Variants in ASAP2 observed in about 807,000 individuals in gnomAD.
ASAP2 encodes the protein ArfGAP with SH3 domain, ankyrin repeat and PH domain 2, also known as arf-GAP with SH3 domain, ANK repeat and PH domain-containing protein 2.
ASAP2 carries 45 observed loss-of-function variants against 131.4 expected under a neutral mutation model. That is an observed-to-expected ratio of 0.34 (90% confidence interval 0.27 to 0.44). ASAP2 has a LOEUF of 0.44. ASAP2 is among the 20% of genes least tolerant of loss of function. The pLI, the probability that ASAP2 is intolerant of heterozygous loss-of-function variation, is 1.00. For synonymous variants in ASAP2, 510 were observed against 503.0 expected, an observed-to-expected ratio of 1.01 and a Z score of -0.19; for missense variants, 1,011 against 1,297.0, an observed-to-expected ratio of 0.78 and a Z score of 3.39.
intron 27 of ASAP2, among the ~76,000 whole-genome samples, chr2:9,401,862 CAG>C (rs1558407958): frequency 2.6e-5 from 4 of 152,344 alleles, no homozygotes; most frequent in Admixed American, 1.3e-4. Context: ...CTTGGCCACT[CAG>C]GGGCTGGTGG....
intron 24 of ASAP2, among the ~76,000 whole-genome samples, chr2:9,397,810 G>C (rs1676287754): frequency 7.6e-6 from 1 of 131,340 alleles, no homozygotes; most frequent in South Asian, 2.4e-4. Flanking sequence ...CCAGGCTGGA[G>C]TGCAGTGGCT....
At chr2:9,374,992 C>T in intron 17 of ASAP2, 48 bp downstream of exon 17, 3 of 1,466,654 alleles carry the variant, frequency 2.0e-6, no homozygotes, top group Non-Finnish European at 2.7e-6. Flanking sequence ...AAAGGCCGGC[C>T]ACGGTGGCTC....
chr2:9,262,531 G>T (rs774013920), intron 1 of ASAP2, among the ~76,000 whole-genome samples: 1 of 152,186 alleles, frequency 6.6e-6, no homozygotes, highest in African/African-American at 2.4e-5. Flanking sequence ...GAGGTCACGC[G>T]GCTAGTAATT....
intron 7 of ASAP2, among the ~76,000 whole-genome samples, chr2:9,331,768 CA>C (rs1162279000): frequency 6.8e-6 from 1 of 147,560 alleles, no homozygotes; most frequent in Admixed American, 6.7e-5. Context: ...TTTTTTTTTT[CA>C]AAAAAAATAC....
At chr2:9,349,742 T>C (rs774363959) in intron 11 of ASAP2, among the ~76,000 whole-genome samples, 5 of 152,200 alleles carry the variant, frequency 3.3e-5, no homozygotes, top group Non-Finnish European at 7.3e-5. Context: ...TCCTTCACGC[T>C]GCAAGGATGG....
At chr2:9,396,997 G>A (rs879796875) in intron 24 of ASAP2, among the ~76,000 whole-genome samples, 7 of 152,116 alleles carry the variant, frequency 4.6e-5, no homozygotes, top group Non-Finnish European at 1.0e-4. Flanking sequence ...GCCAGACTCC[G>A]TCTCAAAAAA....
chr2:9,313,464 T>C (rs1669447101), intron 3 of ASAP2, among the ~76,000 whole-genome samples: 1 of 152,202 alleles, frequency 6.6e-6, no homozygotes, highest in Admixed American at 6.5e-5. Flanking sequence ...CCTAAGATTC[T>C]CTTTAGAAAT....
intron 22 of ASAP2, 92 bp downstream of exon 22, chr2:9,388,638 C>A: frequency 6.7e-7 from 1 of 1,496,986 alleles, no homozygotes; most frequent in Non-Finnish European, 8.9e-7. Context: ...AACTCAGTGA[C>A]CTTTGGGCTC....
In ASAP2 at chr2:9,250,327, G is replaced by C. The variant is rs1280989935; in HGVS notation, c.127-28990G>C. ...CCACAGACTTCCTGCCTAGGCACCA[G>C]GGAAAGAGGGGAAAGAACACGACAT... On this transcript the variant is annotated intron_variant, in intron 1 of 27. Transcript: ENST00000281419. 1.3e-5 allele frequency among the ~76,000 whole-genome samples: 2 copies of C among 152,166 alleles called. 1 individual carries two copies. The highest frequency in any genetic ancestry group is 3.9e-4 in the East Asian group (2 of 5,188).
chr2:9,333,428 A>G (rs1467658483), intron 7 of ASAP2, among the ~76,000 whole-genome samples: 1 of 152,230 alleles, frequency 6.6e-6, no homozygotes, highest in Non-Finnish European at 1.5e-5. Context: ...AAGTATAAGA[A>G]GGCCTCTTAT....
At chr2:9,338,693 C>T (rs1420813262) in intron 9 of ASAP2, among the ~76,000 whole-genome samples, 6 of 152,194 alleles carry the variant, frequency 3.9e-5, no homozygotes, top group Non-Finnish European at 8.8e-5. Flanking sequence ...CAAGATGGAT[C>T]AGGTTATCAT....
chr2:9,265,627 T>A lies in ASAP2; in HGVS notation c.127-13690T>A, dbSNP rs183549129. 6.0e-3 allele frequency among the ~76,000 whole-genome samples: 921 copies of A among 152,374 alleles called. 9 individuals carry two copies. The highest frequency in any genetic ancestry group is 0.021 in the African/African-American group (870 of 41,592). ...GACAACAATGATTATTTTCTTTCTG[T>A]ATCTTTATATACAGAGTTTTAAGTG... On this transcript the variant is annotated intron_variant, in intron 1 of 27. Transcript: ENST00000281419.
chr2:9,355,975 A>G, intron 12 of ASAP2, 72 bp from the exon 13 acceptor site: 2 of 1,552,134 alleles, frequency 1.3e-6, no homozygotes, highest in Non-Finnish European at 1.8e-6. Flanking sequence ...GGCTAATTAG[A>G]AACTATTTTC....
At chr2:9,271,039 TG>T (rs1666350298) in intron 1 of ASAP2, among the ~76,000 whole-genome samples, 1 of 151,340 alleles carries the variant, frequency 6.6e-6, no homozygotes, top group African/African-American at 2.4e-5. Context: ...GTGATCCACC[TG>T]CCTCGGCCTC....
chr2:9,313,617 A>G (rs1220747461), intron 3 of ASAP2, among the ~76,000 whole-genome samples: 2 of 152,192 alleles, frequency 1.3e-5, no homozygotes, highest in Admixed American at 1.3e-4. Flanking sequence ...TCTTTCTTGC[A>G]CGTGCCTTGT....
chr2:9,362,668 C>T (rs1289285214), intron 15 of ASAP2, among the ~76,000 whole-genome samples: 1 of 151,982 alleles, frequency 6.6e-6, no homozygotes, highest in Non-Finnish European at 1.5e-5. Context: ...GGGAGACCTC[C>T]ATCTCTACAA....
At chr2:9,317,537 C>T (rs1669830554) in intron 3 of ASAP2, among the ~76,000 whole-genome samples, 1 of 144,930 alleles carries the variant, frequency 6.9e-6, no homozygotes, top group Non-Finnish European at 1.5e-5. Flanking sequence ...CTCAAATCCA[C>T]ACAATCTCTC....
At chr2:9,306,705 G>A (rs979695806) in intron 3 of ASAP2, among the ~76,000 whole-genome samples, 4 of 152,068 alleles carry the variant, frequency 2.6e-5, no homozygotes, top group African/African-American at 4.8e-5. Flanking sequence ...AATTGTCAGC[G>A]AATTGATAGA....
chr2:9,253,585 C>T lies in ASAP2; in HGVS notation c.127-25732C>T, dbSNP rs904232516. ...CCCTCTTCAGTTGGTTCCCCCATTC[C>T]TGCCTCCTGTCATCTCTGCGCTGCT... On this transcript the variant is annotated intron_variant, in intron 1 of 27. Coordinates refer to ENST00000281419, the MANE Select transcript of ASAP2 (RefSeq NM_003887.3). 8.5e-5 allele frequency among the ~76,000 whole-genome samples: 13 copies of T among 152,332 alleles called. No homozygotes were observed. The East Asian group carries it at 9.6e-4, about 11-fold the overall frequency.
Sources: gnomAD v4.1 joint callset for allele counts (sites outside exome capture counted in the v4.1 genomes callset) on GRCh38, gnomAD v4.1.1 for gene constraint, MANE v1.5 for transcripts, NCBI Gene and HGNC (gene_info 2026-07-23, HGNC 2026-07-21) for gene names.